Variants in COL5A2 observed in about 807,000 individuals in gnomAD.
COL5A2 encodes collagen type V alpha 2 chain.
COL5A2 carries 23 observed loss-of-function variants against 208.2 expected under a neutral mutation model. The ratio of observed to expected loss-of-function variants is 0.11; its 90% CI spans 0.08 to 0.16. The LOEUF is 0.16. Ranked by LOEUF, COL5A2 falls within the 10% of genes least tolerant of loss-of-function variation. The pLI is 1.00. For synonymous variants in COL5A2, 625 were observed against 628.5 expected, an observed-to-expected ratio of 0.99 and a Z score of 0.08; for missense variants, 1,590 against 1,956.4, an observed-to-expected ratio of 0.81 and a Z score of 3.53.
At chr2:189,435,977 C>T in the COL5A2 span, among the ~76,000 whole-genome samples, 2 of 152,154 alleles carry the variant, frequency 1.3e-5, no homozygotes. Flanking sequence ...CACATATACA[C>T]CATGGAATAC....
At chr2:189,289,409 C>T in the COL5A2 span, among the ~76,000 whole-genome samples, 2 of 151,920 alleles carry the variant, frequency 1.3e-5, no homozygotes, top group South Asian at 2.1e-4. Context: ...TCATATATGA[C>T]AGGCTCACTT....
At chr2:189,275,659 G>A in the COL5A2 span, among the ~76,000 whole-genome samples, 1 of 151,726 alleles carries the variant, frequency 6.6e-6, no homozygotes, top group African/African-American at 2.4e-5. Flanking sequence ...CACCATATTG[G>A]CCAGGCTGGT....
chr2:189,151,209 C>T (rs996320036), intron 1 of COL5A2, among the ~76,000 whole-genome samples: 3 of 152,256 alleles, frequency 2.0e-5, no homozygotes, highest in Non-Finnish European at 4.4e-5. Context: ...GAAATGAACT[C>T]ATGCCCTTCA....
chr2:189,287,787 G>T, the COL5A2 span, among the ~76,000 whole-genome samples: 1 of 152,124 alleles, frequency 6.6e-6, no homozygotes, highest in African/African-American at 2.4e-5. Flanking sequence ...GCCTAGAAAA[G>T]ATATAAAATC....
the COL5A2 span, among the ~76,000 whole-genome samples, chr2:189,388,345 A>C: frequency 6.6e-6 from 1 of 152,116 alleles, no homozygotes. Context: ...TGGAAAGGAG[A>C]CAGGAAGGTA....
chr2:189,036,720 T>C lies in COL5A2; in HGVS notation c.4009A>G (p.Ile1337Val). 6.2e-7 allele frequency: 1 copy of C among 1,613,728 alleles called. No homozygotes were observed. The highest frequency in any genetic ancestry group is 8.5e-7 in the Non-Finnish European group (1 of 1,179,698). ...GGTACACTGGATGGGTTTGCTGAAA[T>C]ACATGTTTCTCCTGTTTCCATGTTG... is the stretch of plus-strand genomic sequence containing the variant. ...YCNMETGETC[I>V]SANPSSVPRK... Residue 1337 changes from isoleucine to valine, a missense_variant, in exon 52 of 54, where the codon ATT becomes GTT. Ile to Val is a conservative substitution (Grantham distance 29). Coordinates refer to ENST00000374866, the MANE Select transcript of COL5A2 (RefSeq NM_000393.5).
chr2:189,333,286 G>A, the COL5A2 span, among the ~76,000 whole-genome samples: 1 of 152,098 alleles, frequency 6.6e-6, no homozygotes, highest in Non-Finnish European at 1.5e-5. Flanking sequence ...CTTTTTAAAA[G>A]ATTAATGAAA....
intron 1 of COL5A2, among the ~76,000 whole-genome samples, chr2:189,202,865 C>T (rs1689095806): frequency 6.6e-6 from 1 of 152,132 alleles, no homozygotes; most frequent in African/African-American, 2.4e-5. Flanking sequence ...ATTAAACTTT[C>T]TAATCTGAAA....
the COL5A2 span, among the ~76,000 whole-genome samples, chr2:189,294,443 G>A: frequency 6.6e-6 from 1 of 151,932 alleles, no homozygotes; most frequent in Admixed American, 6.6e-5. Context: ...GTCGATTAGA[G>A]GAGGAAAAAT....
intron 42 of COL5A2, 53 bp from the exon 43 acceptor site, chr2:189,050,729 C>G: frequency 6.9e-7 from 1 of 1,440,890 alleles, no homozygotes; most frequent in Non-Finnish European, 9.5e-7. Flanking sequence ...AAACTGTACC[C>G]AAGGAATTTA....
At chr2:189,042,846 T>C in intron 48 of COL5A2, 73 bp from the exon 49 acceptor site, 1 of 1,402,860 alleles carries the variant, frequency 7.1e-7, no homozygotes, top group East Asian at 2.4e-5. Context: ...AAAAATGTGC[T>C]ATCATTGACT....
the COL5A2 span, among the ~76,000 whole-genome samples, chr2:189,284,126 A>G: frequency 6.6e-6 from 1 of 152,194 alleles, no homozygotes; most frequent in African/African-American, 2.4e-5. Flanking sequence ...TGCTTATGTC[A>G]TATATTGATA....
At chr2:189,232,180 T>G in the COL5A2 span, among the ~76,000 whole-genome samples, 1 of 151,820 alleles carries the variant, frequency 6.6e-6, no homozygotes, top group African/African-American at 2.4e-5. Context: ...TTCCATTTTC[T>G]GGGCACTTCG....
chr2:189,088,529 C>A (rs559738634), intron 8 of COL5A2, among the ~76,000 whole-genome samples, 166 bp downstream of exon 8: 32 of 149,144 alleles, frequency 2.1e-4, no homozygotes, highest in African/African-American at 6.9e-4. Context: ...GGGCTTTTAA[C>A]TGGCATACAG....
chr2:189,440,873 C>G, the COL5A2 span, among the ~76,000 whole-genome samples: 2 of 152,122 alleles, frequency 1.3e-5, no homozygotes, highest in Non-Finnish European at 2.9e-5. Flanking sequence ...GGAAGATGCA[C>G]CAGAATCCCG....
intron 1 of COL5A2, among the ~76,000 whole-genome samples, chr2:189,118,006 T>A (rs934908730): frequency 2.0e-5 from 3 of 152,228 alleles, no homozygotes; most frequent in Admixed American, 1.3e-4. Context: ...AATATTCTTT[T>A]GTATATAAAA....
the COL5A2 span, among the ~76,000 whole-genome samples, chr2:189,239,083 A>G: frequency 5.8e-3 from 882 of 152,270 alleles, 1 homozygote; most frequent in Non-Finnish European, 9.8e-3. Context: ...ACTTTGGTCA[A>G]CTGAAGTGCA....
At chr2:189,397,643 A>G in the COL5A2 span, among the ~76,000 whole-genome samples, 1 of 151,920 alleles carries the variant, frequency 6.6e-6, no homozygotes, top group Non-Finnish European at 1.5e-5. Context: ...ATGTCTGTAC[A>G]ATCTGTGATG....
At chr2:189,150,064 T>G (rs889004487) in intron 1 of COL5A2, among the ~76,000 whole-genome samples, 2 of 152,192 alleles carry the variant, frequency 1.3e-5, no homozygotes, top group African/African-American at 4.8e-5. Flanking sequence ...TGGTTTGCTT[T>G]AATTTATGTA....
Sources: gnomAD v4.1 joint callset for allele counts (sites outside exome capture counted in the v4.1 genomes callset) on GRCh38, gnomAD v4.1.1 for gene constraint, MANE v1.5 for transcripts, NCBI Gene and HGNC (gene_info 2026-07-23, HGNC 2026-07-21) for gene names.